RAB2A: variants seen among roughly 807,000 people sequenced by gnomAD.
RAB2A encodes ras-related protein Rab-2A.
RAB2A carries 7 observed loss-of-function variants against 32.5 expected under a neutral mutation model. The observed-to-expected ratio is 0.22, with a 90% CI of 0.12 to 0.40. The LOEUF (loss-of-function observed/expected upper bound fraction) is 0.40, where lower values mean the gene tolerates loss of function less well. Among genes scored for constraint, RAB2A ranks in the 10% least tolerant of loss-of-function variants. RAB2A has a pLI of 1.00. For missense variants in RAB2A, 108 were observed against 260.7 expected, an observed-to-expected ratio of 0.41 and a Z score of 4.03; for synonymous variants, 79 against 85.2, an observed-to-expected ratio of 0.93 and a Z score of 0.40.
At chr8:60,590,528 AATATAT>A (rs992238638) in intron 5 of RAB2A, among the ~76,000 whole-genome samples, 1 of 146,440 alleles carries the variant, frequency 6.8e-6, no homozygotes, top group African/African-American at 2.5e-5. Flanking sequence ...TGTATACACA[AATATAT>A]ATATATATTT....
chr8:60,516,988 T>G lies in RAB2A; in HGVS notation c.-220T>G, dbSNP rs1225587090. On this transcript the variant is annotated 5_prime_UTR_variant, in exon 1 of 8. Coordinates refer to ENST00000262646, the MANE Select transcript of RAB2A (RefSeq NM_002865.3). ...GGCGGAGGCGCCGCGGCGGCTGTTA[T>G]TGTTCGGCTGGGCTCGGTCGGGCGC... is the stretch of plus-strand genomic sequence containing the variant. 3 of 435,158 alleles carry G rather than the reference T, an allele frequency of 6.9e-6. No individual in the cohort carries two copies. The highest frequency in any genetic ancestry group is 8.2e-6 in the Non-Finnish European group (2 of 243,940). 27.0% of individuals were successfully genotyped at this position (435,158 alleles called of 1,614,324 possible). A position where few individuals can be genotyped will look rare whatever the true frequency, so the allele number is the denominator to read the frequency against.
chr8:60,536,143 AG>A (rs1241193408), intron 1 of RAB2A, among the ~76,000 whole-genome samples: 3 of 152,250 alleles, frequency 2.0e-5, no homozygotes, highest in Non-Finnish European at 2.9e-5. Flanking sequence ...GTATGAATTT[AG>A]AAAGAATATT....
intron 1 of RAB2A, among the ~76,000 whole-genome samples, chr8:60,535,753 G>C (rs574880220): frequency 8.6e-4 from 131 of 152,318 alleles, no homozygotes; most frequent in African/African-American, 2.9e-3. Flanking sequence ...AATACGGCCT[G>C]CTTGAGAAGA....
At chr8:60,546,717 T>C (rs2130820970) in intron 1 of RAB2A, among the ~76,000 whole-genome samples, 1 of 152,272 alleles carries the variant, frequency 6.6e-6, no homozygotes, top group Middle Eastern at 3.4e-3. Context: ...GTGAAGTATG[T>C]ATTGTTCTTA....
chr8:60,612,199 A>C (rs1012674613), intron 6 of RAB2A, among the ~76,000 whole-genome samples: 1 of 151,886 alleles, frequency 6.6e-6, no homozygotes, highest in Non-Finnish European at 1.5e-5. Flanking sequence ...TTATTGTTCA[A>C]CTCCCACTTA....
At chr8:60,591,753 A>G in intron 5 of RAB2A, 105 bp from the exon 6 acceptor site, 1 of 692,498 alleles carries the variant, frequency 1.4e-6, no homozygotes, top group Admixed American at 2.4e-5. Flanking sequence ...AAAATTAATT[A>G]AAAGAATGGT....
At chr8:60,599,134 C>T (rs1256494651) in intron 6 of RAB2A, among the ~76,000 whole-genome samples, 2 of 151,722 alleles carry the variant, frequency 1.3e-5, no homozygotes, top group African/African-American at 4.8e-5. Flanking sequence ...TATGTTTTAG[C>T]CATGAAAACA....
chr8:60,577,784 C>G (rs1033224786), intron 3 of RAB2A, among the ~76,000 whole-genome samples: 1 of 146,758 alleles, frequency 6.8e-6, no homozygotes, highest in African/African-American at 2.6e-5. Context: ...CGCCACCACG[C>G]CCGGCTAATT....
chr8:60,570,696 A>G lies in RAB2A; in HGVS notation c.119-1350A>G, dbSNP rs137974392. 3.6e-3 allele frequency among the ~76,000 whole-genome samples: 549 copies of G among 152,156 alleles called. 9 individuals are homozygous for G. Among genetic ancestry groups the G allele is most frequent in the Non-Finnish European group, 2.7e-3 (186 of 67,982 alleles). The stretch of plus-strand genomic sequence containing the variant: ...GATCTCTTTTCTCTAGCTTTCCTGT[A>G]TTTCTGAGCCTAAGAAACATAAACA... On this transcript the variant is annotated intron_variant, in intron 2 of 7. Coordinates refer to ENST00000262646, the MANE Select transcript of RAB2A (RefSeq NM_002865.3).
chr8:60,581,251 C>T (rs901577196), intron 3 of RAB2A, among the ~76,000 whole-genome samples: 4 of 152,168 alleles, frequency 2.6e-5, no homozygotes, highest in African/African-American at 9.7e-5. Context: ...ATTAGGGATG[C>T]TCAACTGATA....
intron 1 of RAB2A, among the ~76,000 whole-genome samples, chr8:60,543,930 C>T (rs773741708): frequency 2.6e-5 from 4 of 151,564 alleles, no homozygotes; most frequent in African/African-American, 4.8e-5. Context: ...GTCATGTTGG[C>T]GGGTGCCTGT....
chr8:60,605,793 CTATT>C (rs1418677538), intron 6 of RAB2A, among the ~76,000 whole-genome samples: 20 of 146,932 alleles, frequency 1.4e-4, no homozygotes, highest in Middle Eastern at 3.5e-3. Context: ...AAGTAGCTAA[CTATT>C]TATTTTACAG....
chr8:60,607,428 C>CAAAAAAAAA (rs773988383), intron 6 of RAB2A, among the ~76,000 whole-genome samples: 1 of 57,492 alleles, frequency 1.7e-5, no homozygotes, highest in South Asian at 6.5e-4. Flanking sequence ...GACTCCATCT[C>CAAAAAAAAA]AAAAAAAAAA....
chr8:60,579,949 C>T (rs1803712797), intron 3 of RAB2A, among the ~76,000 whole-genome samples: 1 of 145,858 alleles, frequency 6.9e-6, no homozygotes, highest in Non-Finnish European at 1.5e-5. Flanking sequence ...TTTTGTTTCA[C>T]TTAAAACAAT....
intron 6 of RAB2A, 173 bp downstream of exon 6, chr8:60,592,142 A>C (rs1803953927): frequency 2.4e-6 from 1 of 423,268 alleles, no homozygotes. Context: ...TCAGACTCTT[A>C]AATCATATTG....
At chr8:60,587,583 TTAA>T (rs554654161) in intron 5 of RAB2A, among the ~76,000 whole-genome samples, 135 of 152,302 alleles carry the variant, frequency 8.9e-4, no homozygotes, top group African/African-American at 3.2e-3. Context: ...CGTGACATGG[TTAA>T]TGATGATATA....
rs193095876 is a variant in RAB2A at position 60,582,833 on chromosome 8, T to G, written c.187-1375T>G. On this transcript the variant is annotated intron_variant, in intron 3 of 7. Coordinates refer to ENST00000262646, the MANE Select transcript of RAB2A (RefSeq NM_002865.3). The stretch of plus-strand genomic sequence containing the variant: ...ATAAATAACTCCCACAAGCTTAGCA[T>G]TCCAATAATGGAACACTAGGCATAA... Among the ~76,000 whole-genome samples the G allele has an allele frequency of 5.3e-5, 8 of 152,282 alleles. No individual in the cohort carries two copies. In the East Asian group the frequency reaches 1.4e-3, roughly 26 times the overall value.
intron 1 of RAB2A, among the ~76,000 whole-genome samples, chr8:60,542,425 A>G (rs1469926955): frequency 6.6e-6 from 1 of 152,206 alleles, no homozygotes; most frequent in East Asian, 1.9e-4. Context: ...GAGGCAGGAG[A>G]ATCGCTTGAA....
At chr8:60,533,927 T>C (rs1056311263) in intron 1 of RAB2A, among the ~76,000 whole-genome samples, 1 of 152,030 alleles carries the variant, frequency 6.6e-6, no homozygotes, top group Non-Finnish European at 1.5e-5. Context: ...CGCACCACTA[T>C]ACTCCAGCCT....
Sources: allele counts gnomAD v4.1 joint callset (sites outside exome capture counted in the v4.1 genomes callset), GRCh38; gene constraint gnomAD v4.1.1; transcripts MANE v1.5; gene names NCBI Gene and HGNC (gene_info 2026-07-23, HGNC 2026-07-21).